Variants in PI15 observed in about 807,000 individuals in gnomAD.
The protein encoded by PI15 is 25 kDa trypsin inhibitor.
Under a neutral mutation model 31.0 loss-of-function variants are expected in PI15, and 18 were observed. The observed-to-expected ratio is 0.58, with a 90% confidence interval of 0.40 to 0.86. The LOEUF is 0.86. Ranked by LOEUF, PI15 falls within the 40% of genes least tolerant of loss-of-function variation. PI15 has a pLI of 0.00. For synonymous variants in PI15, 118 were observed against 119.1 expected (o/e 0.99, Z 0.06); for missense variants, 282 against 328.1 (o/e 0.86, Z 1.09).
intron 2 of PI15, among the ~76,000 whole-genome samples, chr8:74,838,320 G>A (rs1241086096): frequency 6.6e-6 from 1 of 152,002 alleles, no homozygotes; most frequent in African/African-American, 2.4e-5. Context: ...ACATGTTACT[G>A]TAATAGGGCA....
At chr8:74,836,779 A>G (rs923291765) in intron 2 of PI15, among the ~76,000 whole-genome samples, 5 of 152,090 alleles carry the variant, frequency 3.3e-5, no homozygotes, top group African/African-American at 9.7e-5. Context: ...TGACCAGGAG[A>G]TGACCTTTGA....
rs149289265 is a variant in PI15, at chr8:74,836,154, C to A, written c.274-7827C>A. On this transcript the variant is annotated intron_variant, in intron 2 of 5. Coordinates refer to ENST00000260113, the MANE Select transcript of PI15 (RefSeq NM_015886.5). ...ACCAGTAAACTTTTTCTGTAAAGGG[C>A]CTGATAGTAAATATGTTCAGCTTTG... Among the ~76,000 whole-genome samples the A allele has an allele frequency of 6.8e-3, 1,038 of 152,222 alleles. 11 individuals carry two copies. The highest frequency in any genetic ancestry group is 9.9e-3 in the Non-Finnish European group (671 of 68,006).
At chr8:74,825,561 G>A (rs1269233057) in intron 2 of PI15, 39 bp downstream of exon 2, 4 of 1,520,596 alleles carry the variant, frequency 2.6e-6, no homozygotes, top group African/African-American at 1.4e-5. Flanking sequence ...AGTTCTGAGT[G>A]AGAAAGCTTT....
Position 74,825,345 on chromosome 8 carries a change from G to C in PI15, c.96G>C (p.Pro32=). Residue 32 remains proline, a synonymous_variant, in exon 2 of 6, where the codon CCG becomes CCC. Coordinates refer to ENST00000260113, the MANE Select transcript of PI15 (RefSeq NM_015886.5). ...TACTCAATTCCACTGACTCATCCCC[G>C]CCAACCAATAATTTCACTGATATTG... is the stretch of plus-strand genomic sequence containing the variant. The part of the protein sequence containing the change: ...VVLLNSTDSS[P]PTNNFTDIEA... 6.2e-7 allele frequency: 1 copy of C among 1,612,888 alleles called. No homozygotes were observed. Among genetic ancestry groups the C allele is most frequent in the East Asian group, 2.2e-5 (1 of 44,826 alleles).
At chr8:74,849,093 C>T in intron 5 of PI15, 25 bp from the exon 6 acceptor site, 2 of 1,604,336 alleles carry the variant, frequency 1.2e-6, no homozygotes, top group South Asian at 1.1e-5. Flanking sequence ...TGCACTAATG[C>T]TATCTTTTTT....
At position 74,849,395 on chromosome 8, in the gene PI15, T is replaced by C; in HGVS notation, c.*142T>C. The C allele has an allele frequency of 3.5e-6, 2 of 564,792 alleles. No individual in the cohort carries two copies. Among genetic ancestry groups the C allele is most frequent in the Non-Finnish European group, 6.0e-6 (2 of 334,368 alleles). 35.0% of individuals were successfully genotyped at this position (564,792 alleles called of 1,614,324 possible). A position where few individuals can be genotyped will look rare whatever the true frequency, so the allele number is the denominator to read the frequency against. ...CTTAGTATTCCTTTGTATAAATTAG[T>C]GTTTGTCTAGCATGTTTGTTTAATC... On this transcript the variant is annotated 3_prime_UTR_variant, in exon 6 of 6. Coordinates refer to ENST00000260113, the MANE Select transcript of PI15 (RefSeq NM_015886.5).
At chr8:74,835,760 T>C (rs551855474) in intron 2 of PI15, among the ~76,000 whole-genome samples, 50 of 152,316 alleles carry the variant, frequency 3.3e-4, no homozygotes, top group East Asian at 1.2e-3. Context: ...AACCAAAATA[T>C]GGTTTCACAG....
rs182395927 is a variant in PI15, at chr8:74,839,526, C to T, written c.274-4455C>T. On this transcript the variant is annotated intron_variant, in intron 2 of 5. Coordinates refer to ENST00000260113, the MANE Select transcript of PI15 (RefSeq NM_015886.5). ...TCTTGTAAATATTTGTGCATATTTA[C>T]GCATAATATTCTTAATTTTTCCTCA... Among the ~76,000 whole-genome samples the T allele has an allele frequency of 3.9e-5, 6 of 152,116 alleles. No homozygotes were observed. The East Asian group carries it at 7.7e-4, about 20-fold the overall frequency.
rs960906602 is a variant in PI15, at chr8:74,839,925, A to C, written c.274-4056A>C. 2.6e-5 allele frequency among the ~76,000 whole-genome samples: 4 copies of C among 152,158 alleles called. No individual in the cohort carries two copies. The South Asian group carries it at 6.2e-4, about 24-fold the overall frequency. On this transcript the variant is annotated intron_variant, in intron 2 of 5. Transcript: ENST00000260113. ...AATAAATTAAGTCAAATGTTTATAC[A>C]ATTTACATCCTCATTTTCTGAACTT...
At chr8:74,829,344 C>T (rs1259357180) in intron 2 of PI15, among the ~76,000 whole-genome samples, 1 of 152,004 alleles carries the variant, frequency 6.6e-6, no homozygotes, top group Admixed American at 6.6e-5. Context: ...CTTTTTTACT[C>T]TTGGCTTCTG....
In PI15 at chr8:74,827,086, T is replaced by C. The variant is rs545705771; in HGVS notation, c.273+1564T>C. ...AGGCATAATATCCCAACTATGAGTT[T>C]AGAGAATTTGTAGCAATCACATGAC... On this transcript the variant is annotated intron_variant, in intron 2 of 5. Coordinates refer to ENST00000260113, the MANE Select transcript of PI15 (RefSeq NM_015886.5). Among the ~76,000 whole-genome samples the C allele has an allele frequency of 4.6e-5, 7 of 152,214 alleles. No homozygotes were observed. The South Asian group carries it at 8.3e-4, about 18-fold the overall frequency.
At chr8:74,838,256 C>T (rs77246199) in intron 2 of PI15, among the ~76,000 whole-genome samples, 2,111 of 151,032 alleles carry the variant, frequency 0.014, 21 homozygotes, top group Non-Finnish European at 0.022. Flanking sequence ...GATAAGAAAT[C>T]ATAAATTCAA....
chr8:74,846,282 T>C (rs75455745), intron 5 of PI15, among the ~76,000 whole-genome samples: 1,906 of 152,338 alleles, frequency 0.013, 41 homozygotes, highest in African/African-American at 0.042. Context: ...TATGTGGTAG[T>C]ATGCCAGTGG....
In PI15 at chr8:74,845,039, C is replaced by CA. The variant is rs562518466; in HGVS notation, c.393-84dup. On this transcript the variant is annotated intron_variant, in intron 3 of 5. Transcript: ENST00000260113. ...CTCTTGGATCATCATGAATAATCTG[C>CA]AAAAAGAACAATCAATTTACAGTGT... is the stretch of plus-strand genomic sequence containing the variant. The CA allele has an allele frequency of 6.7e-5, 76 of 1,138,268 alleles. No homozygotes were observed. The East Asian group carries it at 1.6e-3, about 24-fold the overall frequency. The allele number at this position is 1,138,268 out of a possible 1,614,324, so 70.5% of individuals were successfully genotyped here.
chr8:74,854,213 G>A lies in PI15; in HGVS notation c.*4960G>A, dbSNP rs1811148296. On this transcript the variant is annotated 3_prime_UTR_variant, in exon 6 of 6. Coordinates refer to ENST00000260113, the MANE Select transcript of PI15 (RefSeq NM_015886.5). Reference sequence around the variant, plus strand: ...AAACCTTCAGTTTAGATATATAATTGACTGGGTGTAATCTCTTTTGTAATC... The same window carrying A: ...AAACCTTCAGTTTAGATATATAATTAACTGGGTGTAATCTCTTTTGTAATC... 1.3e-5 allele frequency: 2 copies of A among 152,108 alleles called. No individual in the cohort carries two copies. Among genetic ancestry groups the A allele is most frequent in the Admixed American group, 6.6e-5 (1 of 15,254 alleles). The allele number at this position is 152,108 out of a possible 1,614,324, so 9.4% of individuals were successfully genotyped here. A position where few individuals can be genotyped will look rare whatever the true frequency, so the allele number is the denominator to read the frequency against.
At chr8:74,844,819 A>G (rs1811000759) in intron 3 of PI15, 1 of 267,532 alleles carries the variant, frequency 3.7e-6, no homozygotes, top group Non-Finnish European at 7.1e-6. Flanking sequence ...CTGATGGAGG[A>G]AGTTTTCGAC....
chr8:74,837,706 C>T (rs961655302), intron 2 of PI15, among the ~76,000 whole-genome samples: 1 of 151,928 alleles, frequency 6.6e-6, no homozygotes, highest in South Asian at 2.1e-4. Context: ...ATGTAAGATG[C>T]TTTTGCTTTT....
intron 2 of PI15, chr8:74,826,141 C>T (rs1258379492): frequency 6.1e-6 from 1 of 163,134 alleles, no homozygotes; most frequent in Admixed American, 6.6e-5. Flanking sequence ...TTGCCGTGAA[C>T]ACATTTTTTG....
At chr8:74,841,822 TA>T (rs1343099188) in intron 2 of PI15, among the ~76,000 whole-genome samples, 1 of 152,214 alleles carries the variant, frequency 6.6e-6, no homozygotes, top group Non-Finnish European at 1.5e-5. Context: ...AAATGTTTTT[TA>T]AAGTTCATTT....
Sources: allele counts gnomAD v4.1 joint callset (sites outside exome capture counted in the v4.1 genomes callset), GRCh38; gene constraint gnomAD v4.1.1; transcripts MANE v1.5; gene names NCBI Gene and HGNC (gene_info 2026-07-23, HGNC 2026-07-21).